The following ATAD2B variants were observed in gnomAD, a reference collection of about 807,000 sequenced individuals.
ATAD2B encodes the protein ATPase family AAA domain-containing protein 2B.
Under a neutral mutation model 167.6 loss-of-function variants are expected in ATAD2B, and 40 were observed. That is an observed-to-expected ratio of 0.24 (90% CI 0.19 to 0.31). The LOEUF (loss-of-function observed/expected upper bound fraction) is 0.31, where lower values mean the gene tolerates loss of function less well. Among genes scored for constraint, ATAD2B ranks in the 10% least tolerant of loss-of-function variants. The pLI is 1.00. For missense variants in ATAD2B, 1,242 were observed against 1,757.2 expected (o/e 0.71, Z 5.24); for synonymous variants, 579 against 596.5 (o/e 0.97, Z 0.43).
At chr2:23,843,269 AAG>A (rs1173095462) in intron 13 of ATAD2B, among the ~76,000 whole-genome samples, 1 of 152,238 alleles carries the variant, frequency 6.6e-6, no homozygotes, top group Non-Finnish European at 1.5e-5. Flanking sequence ...AAAATAAGTG[AAG>A]ACTGACTAAA....
chr2:23,748,144 T>C (rs1374751386), downstream of ATAD2B, among the ~76,000 whole-genome samples: 1 of 152,106 alleles, frequency 6.6e-6, no homozygotes, highest in Non-Finnish European at 1.5e-5. Context: ...AGAATTTATA[T>C]TGAGGAAGAT....
chr2:23,685,355 G>A, the ATAD2B span: 1 of 152,302 alleles, frequency 6.6e-6, no homozygotes, highest in East Asian at 1.9e-4. Context: ...CAAGGGGCCA[G>A]CCCAGGGTAA....
At chr2:23,824,413 T>C (rs548761982) in intron 15 of ATAD2B, among the ~76,000 whole-genome samples, 2 of 152,212 alleles carry the variant, frequency 1.3e-5, no homozygotes, top group Non-Finnish European at 2.9e-5. Context: ...TCCAAACACG[T>C]ATAAAATAGT....
At chr2:23,920,399 T>C (rs1395298741) in intron 1 of ATAD2B, among the ~76,000 whole-genome samples, 6 of 152,262 alleles carry the variant, frequency 3.9e-5, no homozygotes. Context: ...TGTGCACATT[T>C]GCAGTACTGA....
At chr2:23,711,353 T>C in the ATAD2B span, among the ~76,000 whole-genome samples, 4 of 12,178 alleles carry the variant, frequency 3.3e-4, no homozygotes, top group Non-Finnish European at 9.1e-4. Context: ...TTTTTTTTTT[T>C]TTTTTTTTTT....
chr2:23,788,241 G>T, intron 20 of ATAD2B: 2 of 363,716 alleles, frequency 5.5e-6, no homozygotes, highest in Middle Eastern at 7.5e-4. Flanking sequence ...TTTTTTCTAT[G>T]ACTTTTTGAG....
chr2:23,798,310 G>T lies in ATAD2B; in HGVS notation c.2468C>A (p.Ala823Asp). Residue 823 changes from alanine (A) to aspartate (D), a missense_variant, in exon 19 of 28, where the codon GCT (alanine) becomes GAT (aspartate). Ala to Asp is a moderately radical substitution (Grantham distance 126). Coordinates refer to ENST00000238789, the MANE Select transcript of ATAD2B (RefSeq NM_017552.4). ...EESCAQIFRE[A>D]RRTVPSIVYM... ...AACAATACTAGGTACTGTTCTTCGA[G>T]CTTCACGAAAAATCTAATTAAGGAA... 1 of 1,570,752 alleles carries T rather than the reference G, an allele frequency of 6.4e-7. No individual in the cohort carries two copies. Among genetic ancestry groups the T allele is most frequent in the South Asian group, 1.2e-5 (1 of 84,918 alleles).
At chr2:23,733,661 T>C in the ATAD2B span, among the ~76,000 whole-genome samples, 1 of 152,274 alleles carries the variant, frequency 6.6e-6, no homozygotes, top group East Asian at 1.9e-4. Context: ...TCATTCTCAG[T>C]TAACATCCAA....
intron 13 of ATAD2B, among the ~76,000 whole-genome samples, chr2:23,839,472 T>C (rs1690530813): frequency 6.6e-6 from 1 of 152,154 alleles, no homozygotes; most frequent in Non-Finnish European, 1.5e-5. Flanking sequence ...TTATTAAACA[T>C]TTCTTCCACA....
At chr2:23,794,796 TTA>T (rs1682343499) in intron 19 of ATAD2B, among the ~76,000 whole-genome samples, 1 of 152,056 alleles carries the variant, frequency 6.6e-6, no homozygotes, top group South Asian at 2.1e-4. Flanking sequence ...TATATATGGT[TTA>T]TAGTTTTATT....
chr2:23,726,648 A>G, the ATAD2B span, among the ~76,000 whole-genome samples: 1 of 152,230 alleles, frequency 6.6e-6, no homozygotes, highest in Non-Finnish European at 1.5e-5. Flanking sequence ...TCAACTATAC[A>G]TAAAATGAAA....
intron 1 of ATAD2B, among the ~76,000 whole-genome samples, chr2:23,910,561 G>A (rs1023251145): frequency 6.6e-6 from 1 of 151,276 alleles, no homozygotes; most frequent in Non-Finnish European, 1.5e-5. Context: ...GAACTGCTAC[G>A]AATTTTTTTA....
chr2:23,684,353 A>G, the ATAD2B span: 1 of 1,320,030 alleles, frequency 7.6e-7, no homozygotes, highest in Non-Finnish European at 9.8e-7. This position sits in a 1 kb window ranked among gnomAD's most constrained non-coding sequence, Gnocchi z 4.4. Flanking sequence ...AAAAAAAAAA[A>G]ACTCTTAATG....
At chr2:23,754,338 A>G (rs1274418662) in intron 26 of ATAD2B, 31 bp from the exon 27 acceptor site, 1 of 1,528,024 alleles carries the variant, frequency 6.5e-7, no homozygotes, top group South Asian at 1.3e-5. Flanking sequence ...ATAAAATGTA[A>G]TTTGATTTCA....
the ATAD2B span, among the ~76,000 whole-genome samples, chr2:23,708,986 C>T: frequency 6.6e-6 from 1 of 152,192 alleles, no homozygotes; most frequent in Admixed American, 6.5e-5. Flanking sequence ...AGAGGAGACA[C>T]AACACACTTT....
chr2:23,834,157 T>C (rs1192928114), intron 13 of ATAD2B, 79 bp from the exon 14 acceptor site: 3 of 783,672 alleles, frequency 3.8e-6, no homozygotes, highest in Non-Finnish European at 5.3e-6. Context: ...TCTTTCTTTT[T>C]TTTTTTTTTT....
intron 13 of ATAD2B, among the ~76,000 whole-genome samples, chr2:23,843,119 A>T (rs1286770086): frequency 6.6e-6 from 1 of 152,216 alleles, no homozygotes; most frequent in Non-Finnish European, 1.5e-5. Flanking sequence ...AAAATAAAAC[A>T]TGCTTAAATG....
intron 15 of ATAD2B, among the ~76,000 whole-genome samples, chr2:23,827,225 C>T (rs1303003937): frequency 6.6e-6 from 1 of 151,820 alleles, no homozygotes; most frequent in Non-Finnish European, 1.5e-5. Flanking sequence ...ATACTACCAC[C>T]CCACAGAGGG....
chr2:23,726,772 G>C, the ATAD2B span, among the ~76,000 whole-genome samples: 13 of 152,140 alleles, frequency 8.5e-5, no homozygotes, highest in Non-Finnish European at 1.9e-4. Flanking sequence ...AATACTACCT[G>C]AGTCCACTTA....
Sources: gnomAD v4.1 joint callset for allele counts (sites outside exome capture counted in the v4.1 genomes callset) on GRCh38, gnomAD v4.1.1 for gene constraint, Gnocchi (gnomAD v3.1) non-coding constraint, MANE v1.5 for transcripts, NCBI Gene and HGNC (gene_info 2026-07-23, HGNC 2026-07-21) for gene names.